PFKP: variants seen among roughly 807,000 people sequenced by gnomAD.
PFKP encodes the protein ATP-dependent 6-phosphofructokinase, platelet type.
In PFKP, 101 loss-of-function variants were observed where a neutral mutation model predicts 94.3. The observed-to-expected ratio is 1.07, with a 90% CI of 0.91 to 1.26. PFKP has a LOEUF of 1.26. Ranked by LOEUF, PFKP falls within the 50% of genes most tolerant of loss-of-function variation. The pLI, the probability that PFKP is intolerant of heterozygous loss-of-function variation, is 0.00. For synonymous variants in PFKP, 573 were observed against 432.6 expected, an observed-to-expected ratio of 1.32 and a Z score of -4.03; for missense variants, 1,145 against 1,103.3, an observed-to-expected ratio of 1.04 and a Z score of -0.53.
At position 3,106,257 on chromosome 10, in the gene PFKP, C is replaced by T. The variant is rs575212094; in HGVS notation, c.774+756C>T. Reference sequence around the variant, plus strand: ...TGGGGCGTCCACCTGTGTGTCCTTCCCCATGGGAGGCAGAAAGCATGGCGT... The same window carrying T: ...TGGGGCGTCCACCTGTGTGTCCTTCTCCATGGGAGGCAGAAAGCATGGCGT... On this transcript the variant is annotated intron_variant, in intron 7 of 21. Coordinates refer to ENST00000381125, the MANE Select transcript of PFKP (RefSeq NM_002627.5). Among the ~76,000 whole-genome samples the T allele has an allele frequency of 3.8e-3, 431 of 112,896 alleles. 4 individuals are homozygous for T. Among genetic ancestry groups the T allele is most frequent in the African/African-American group, 0.014 (393 of 28,914 alleles). 74.1% of individuals were successfully genotyped at this position (112,896 alleles called of 152,430 possible).
intron 10 of PFKP, among the ~76,000 whole-genome samples, chr10:3,110,494 G>A (rs188176697): frequency 6.6e-6 from 1 of 151,502 alleles, no homozygotes; most frequent in Non-Finnish European, 1.5e-5. Context: ...GGGATTACAG[G>A]CATGAGCCAC....
At chr10:3,108,223 A>G (rs759499677) in intron 8 of PFKP, among the ~76,000 whole-genome samples, 3 of 152,216 alleles carry the variant, frequency 2.0e-5, no homozygotes, top group Admixed American at 6.5e-5. Flanking sequence ...GCTGAGTTCC[A>G]GAGACAGTCA....
At position 3,135,823 on chromosome 10, in the gene PFKP, A is replaced by C. The variant is rs1239479448; in HGVS notation, c.2210A>C (p.Lys737Thr). ...TTTCAACCTGTGGCAGAGCTGAAGA[A>C]GCAAACGGATTTTGAGTAAGTTGGC... ...VIFQPVAELKKQTDFEHRIPK... is the reference protein window; with the variant it reads ...VIFQPVAELKTQTDFEHRIPK... Residue 737 changes from lysine (K) to threonine (T), a missense_variant, in exon 21 of 22, where the codon AAG (lysine) becomes ACG (threonine). Around this residue, in one of 3 missense-constraint regions of PFKP, gnomAD observed 1,119 missense variants for 1,062.8 expected, o/e 1.05. Transcript: ENST00000381125. 2 of 1,611,668 alleles carry C rather than the reference A, an allele frequency of 1.2e-6. No homozygotes were observed. Among genetic ancestry groups the C allele is most frequent in the Admixed American group, 3.3e-5 (2 of 60,018 alleles).
intron 1 of PFKP, among the ~76,000 whole-genome samples, chr10:3,075,482 G>C (rs997513256): frequency 6.6e-5 from 10 of 151,152 alleles, no homozygotes; most frequent in Non-Finnish European, 1.2e-4. Context: ...AGGCAGATCA[G>C]CTTCTTGGAG....
Position 3,125,128 on chromosome 10 carries a change from C to T in PFKP, c.1684-4691C>T, listed in dbSNP as rs1039963984. 2.3e-6 allele frequency: 3 copies of T among 1,333,222 alleles called. No homozygotes were observed. In the African/African-American group the frequency reaches 4.5e-5, roughly 20 times the overall value. 82.6% of individuals were successfully genotyped at this position (1,333,222 alleles called of 1,614,324 possible). A position where few individuals can be genotyped will look rare whatever the true frequency, so the allele number is the denominator to read the frequency against. On this transcript the variant is annotated intron_variant, in intron 16 of 21. Coordinates refer to ENST00000381125, the MANE Select transcript of PFKP (RefSeq NM_002627.5). ...AAGAGTGCGTGCGACATGGCCGAGG[C>T]ACGAGGCCGCCACCAGGAGCTTTGC... is the stretch of plus-strand genomic sequence containing the variant.
At chr10:3,077,515 C>G (rs900012249) in intron 1 of PFKP, among the ~76,000 whole-genome samples, 1 of 151,930 alleles carries the variant, frequency 6.6e-6, no homozygotes, top group African/African-American at 2.4e-5. Context: ...ATCCGCCCAC[C>G]TTGGCCTCCC....
At chr10:3,070,712 T>C (rs1832116842) in intron 1 of PFKP, among the ~76,000 whole-genome samples, 1 of 152,102 alleles carries the variant, frequency 6.6e-6, no homozygotes, top group East Asian at 1.9e-4. Context: ...AAAACAGATC[T>C]TAATTCCAAA....
At chr10:3,135,938 G>A in intron 21 of PFKP, 100 bp downstream of exon 21, 1 of 741,870 alleles carries the variant, frequency 1.3e-6, no homozygotes, top group Non-Finnish European at 2.3e-6. Flanking sequence ...TCAGGGGTTT[G>A]AGGAACTGGC....
intron 1 of PFKP, among the ~76,000 whole-genome samples, chr10:3,075,580 G>T (rs920430860): frequency 2.1e-5 from 3 of 142,850 alleles, no homozygotes; most frequent in Non-Finnish European, 3.0e-5. Context: ...TCTAGTTGCC[G>T]CATTAAAGAA....
At chr10:3,126,695 C>T (rs1345683894) in intron 16 of PFKP, among the ~76,000 whole-genome samples, 1 of 152,256 alleles carries the variant, frequency 6.6e-6, no homozygotes, top group Non-Finnish European at 1.5e-5. Flanking sequence ...TGGCTTTTTT[C>T]TACGTTAATG....
At chr10:3,082,145 G>A (rs1833133559) in intron 1 of PFKP, among the ~76,000 whole-genome samples, 2 of 151,920 alleles carry the variant, frequency 1.3e-5, no homozygotes, top group African/African-American at 2.4e-5. Context: ...CTACAAATTC[G>A]TACCAAGTCC....
At chr10:3,098,497 A>G (rs907600370) in intron 2 of PFKP, among the ~76,000 whole-genome samples, 1 of 151,874 alleles carries the variant, frequency 6.6e-6, no homozygotes, top group Admixed American at 6.6e-5. Context: ...AACAAGGTGA[A>G]GCCCCGTCTC....
At position 3,107,114 on chromosome 10, in the gene PFKP, A is replaced by G. The variant is rs1257662753; in HGVS notation, c.775-100A>G. 6 of 727,934 alleles carry G rather than the reference A, an allele frequency of 8.2e-6. No individual in the cohort carries two copies. The Admixed American group carries it at 1.3e-4, about 16-fold the overall frequency. 45.1% of individuals were successfully genotyped at this position (727,934 alleles called of 1,614,324 possible). On this transcript the variant is annotated intron_variant, in intron 7 of 21. Transcript: ENST00000381125. ...GTTAGGCAAAGATTCCTGCCCAGAA[A>G]GAGGCCAGTTCAGTTTGAGACAGAC...
At position 3,136,711 on chromosome 10, in the gene PFKP, C is replaced by T; in HGVS notation, c.*132C>T. On this transcript the variant is annotated 3_prime_UTR_variant, in exon 22 of 22. Coordinates refer to ENST00000381125, the MANE Select transcript of PFKP (RefSeq NM_002627.5). The stretch of plus-strand genomic sequence containing the variant: ...AATCGGCGAGTGCCCATCTGCCCCA[C>T]CTGCTCCAGTGCGTGCTGTCTGTGG... 1.1e-6 allele frequency: 1 copy of T among 895,638 alleles called. No homozygotes were observed. The highest frequency in any genetic ancestry group is 1.6e-5 in the South Asian group (1 of 61,660). The allele number at this position is 895,638 out of a possible 1,614,324, so 55.5% of individuals were successfully genotyped here. A position where few individuals can be genotyped will look rare whatever the true frequency, so the allele number is the denominator to read the frequency against.
intron 1 of PFKP, among the ~76,000 whole-genome samples, chr10:3,080,381 G>C: frequency 6.6e-6 from 1 of 152,050 alleles, no homozygotes; most frequent in Non-Finnish European, 1.5e-5. Flanking sequence ...GCCAGGCGTG[G>C]TGGCGGGCGC....
In PFKP at chr10:3,109,281, A is replaced by G. The variant is rs755435609; in HGVS notation, c.964-74A>G. On this transcript the variant is annotated intron_variant, in intron 9 of 21. Coordinates refer to ENST00000381125, the MANE Select transcript of PFKP (RefSeq NM_002627.5). ...CACCTGACTGAGGTCATTGGACGTCATGGAAAGATAGGAGGTGACAGGGAC... is the reference window on the plus strand; with the variant it reads ...CACCTGACTGAGGTCATTGGACGTCGTGGAAAGATAGGAGGTGACAGGGAC... The G allele has an allele frequency of 4.1e-5, 65 of 1,589,498 alleles. 2 individuals are homozygous for G. The South Asian group carries it at 4.2e-4, about 10-fold the overall frequency.
In PFKP at chr10:3,116,776, A is replaced by T. The variant is rs1453753494; in HGVS notation, c.1372A>T (p.Ile458Phe). ...DGFDGFAKGQ[I>F]KEIGWTDVGG... is the part of the protein sequence containing the mutation. Reference sequence around the variant, plus strand: ...GTTTCGTTCTGTGTTTGCACATTAGATCAAAGAAATCGGCTGGACAGATGT... The same window carrying T: ...GTTTCGTTCTGTGTTTGCACATTAGTTCAAAGAAATCGGCTGGACAGATGT... The change falls in exon 14 of 22, where the codon ATC (isoleucine) becomes TTC (phenylalanine). Residue 458 changes from isoleucine (I) to phenylalanine (F), a missense_variant and splice_region_variant. By Grantham distance (21) the Ile-to-Phe change is conservative. Transcript: ENST00000381125. The T allele has an allele frequency of 6.2e-7, 1 of 1,612,970 alleles. No individual in the cohort carries two copies. Among genetic ancestry groups the T allele is most frequent in the South Asian group, 1.1e-5 (1 of 91,068 alleles).
At chr10:3,102,280 T>G (rs1266845567) in intron 4 of PFKP, among the ~76,000 whole-genome samples, 2 of 129,470 alleles carry the variant, frequency 1.5e-5, no homozygotes, top group African/African-American at 2.7e-5. Context: ...AAAACTGAAG[T>G]TGCCACAGGA....
chr10:3,071,687 G>A (rs979797348), intron 1 of PFKP, among the ~76,000 whole-genome samples: 1 of 152,196 alleles, frequency 6.6e-6, no homozygotes, highest in African/African-American at 2.4e-5. Flanking sequence ...GTACTGGGAA[G>A]TCCAGGTGCA....
Sources: gnomAD v4.1 joint callset for allele counts (sites outside exome capture counted in the v4.1 genomes callset) on GRCh38, gnomAD v4.1.1 for gene constraint, gnomAD v4.1.1 regional missense constraint, MANE v1.5 for transcripts, NCBI Gene and HGNC (gene_info 2026-07-23, HGNC 2026-07-21) for gene names.